The following RFX4 variants were observed in gnomAD, a reference collection of about 807,000 sequenced individuals.
RFX4 encodes the protein regulatory factor X4, also known as transcription factor RFX4.
In RFX4, 10 loss-of-function variants were observed where a neutral mutation model predicts 95.0. That is an observed-to-expected ratio of 0.11 (90% CI 0.06 to 0.18). The LOEUF is 0.18. Ranked by LOEUF, RFX4 falls within the 10% of genes least tolerant of loss-of-function variation. RFX4 has a pLI of 1.00. For synonymous variants in RFX4, 321 were observed against 340.7 expected (o/e 0.94, Z 0.64); for missense variants, 640 against 922.0 (o/e 0.69, Z 3.96).
chr12:106,608,784 T>A lies in RFX4; in HGVS notation c.44-13T>A, dbSNP rs566790758. 2 of 1,554,476 alleles carry A rather than the reference T, an allele frequency of 1.3e-6. No individual in the cohort carries two copies. Among genetic ancestry groups the A allele is most frequent in the African/African-American group, 1.4e-5 (1 of 71,236 alleles). On this transcript the variant is annotated splice_polypyrimidine_tract_variant and intron_variant, in intron 1 of 17. Transcript: ENST00000392842. Reference sequence around the variant, plus strand: ...TTTTCTTTTCTTTCTTTCTTTCTTTTTTTTTTTTTTAGAGAGCTGGATTGA... The same window carrying A: ...TTTTCTTTTCTTTCTTTCTTTCTTTATTTTTTTTTTAGAGAGCTGGATTGA...
chr12:106,708,265 T>C (rs946884125), intron 8 of RFX4, among the ~76,000 whole-genome samples: 6 of 151,924 alleles, frequency 3.9e-5, no homozygotes, highest in Non-Finnish European at 7.4e-5. Flanking sequence ...TCATGGATTC[T>C]ATCAGGAAGG....
At chr12:106,757,654 T>C (rs1305153371) in intron 17 of RFX4, among the ~76,000 whole-genome samples, 1 of 152,164 alleles carries the variant, frequency 6.6e-6, no homozygotes, top group African/African-American at 2.4e-5. Flanking sequence ...GTGAGCCCTC[T>C]GGCAGTACTT....
chr12:106,689,735 T>C (rs1197030087), intron 7 of RFX4, among the ~76,000 whole-genome samples: 1 of 152,190 alleles, frequency 6.6e-6, no homozygotes, highest in African/African-American at 2.4e-5. Flanking sequence ...AAAGCTTTAT[T>C]CTATTTTGTA....
At chr12:106,734,301 T>A (rs544506319) in intron 15 of RFX4, among the ~76,000 whole-genome samples, 1 of 152,214 alleles carries the variant, frequency 6.6e-6, no homozygotes, top group East Asian at 1.9e-4. Flanking sequence ...ACTGTACACT[T>A]GAAAATGGTT....
In RFX4 at chr12:106,583,309, C is replaced by A. The variant is rs759773279; in HGVS notation, c.-12C>A. 6.3e-7 allele frequency: 1 copy of A among 1,585,844 alleles called. No individual in the cohort carries two copies. Among genetic ancestry groups the A allele is most frequent in the African/African-American group, 1.4e-5 (1 of 72,810 alleles). Reference sequence around the variant, plus strand: ...ACTTTTGGGGGGCGCCTGTGCTGTCCATGGGAAGAGCATGCATTGTGGGTT... The same window carrying A: ...ACTTTTGGGGGGCGCCTGTGCTGTCAATGGGAAGAGCATGCATTGTGGGTT... On this transcript the variant is annotated 5_prime_UTR_variant, in exon 1 of 18. Coordinates refer to ENST00000392842, the MANE Select transcript of RFX4 (RefSeq NM_213594.3).
chr12:106,655,804 T>C (rs1378774447), intron 4 of RFX4, among the ~76,000 whole-genome samples: 1 of 152,216 alleles, frequency 6.6e-6, no homozygotes, highest in Non-Finnish European at 1.5e-5. Flanking sequence ...CAGTGGATGA[T>C]GGAAGGTACT....
chr12:106,708,604 G>A (rs538715095), intron 8 of RFX4, among the ~76,000 whole-genome samples: 117 of 152,266 alleles, frequency 7.7e-4, no homozygotes, highest in African/African-American at 2.7e-3. Context: ...TGGTCAATGG[G>A]GAGATGTCCC....
At chr12:106,591,640 A>T (rs2039548014) in intron 1 of RFX4, among the ~76,000 whole-genome samples, 1 of 152,186 alleles carries the variant, frequency 6.6e-6, no homozygotes. Flanking sequence ...AATCATTCAT[A>T]CCTTTACTAC....
Position 106,645,041 on chromosome 12 carries a change from C to T in RFX4, c.191+5649C>T, listed in dbSNP as rs186498736. ...CCTTCCTTGCCACAAACCCCCTCCC[C>T]CTCCCCCTAGAACAAATAACACCGC... On this transcript the variant is annotated intron_variant, in intron 3 of 17. Transcript: ENST00000392842. Among the ~76,000 whole-genome samples, 63 of 152,200 alleles carry T rather than the reference C, an allele frequency of 4.1e-4. 3 individuals carry two copies. In the East Asian group the frequency reaches 0.011, roughly 26 times the overall value.
At position 106,597,288 on chromosome 12, in the gene RFX4, A is replaced by T. The variant is rs555258387; in HGVS notation, c.44-11509A>T. ...AAGGAAATTGAGGCCCATGAGGTTA[A>T]GTAATTTGCCCAGGGTTGCAGAGCT... is the stretch of plus-strand genomic sequence containing the variant. On this transcript the variant is annotated intron_variant, in intron 1 of 17. Transcript: ENST00000392842. 2.6e-5 allele frequency among the ~76,000 whole-genome samples: 4 copies of T among 152,250 alleles called. No homozygotes were observed. The South Asian group carries it at 8.3e-4, about 32-fold the overall frequency.
In RFX4 at chr12:106,616,860, A is replaced by G. The variant is rs558804908; in HGVS notation, c.130+7977A>G. Reference sequence around the variant, plus strand: ...ACTTTAACCTCTGCCTGCCAGACTCAAGCAATTCTCCTGCCTCAGCCTCCT... The same window carrying G: ...ACTTTAACCTCTGCCTGCCAGACTCGAGCAATTCTCCTGCCTCAGCCTCCT... On this transcript the variant is annotated intron_variant, in intron 2 of 17. Transcript: ENST00000392842. 3.4e-4 allele frequency among the ~76,000 whole-genome samples: 51 copies of G among 152,164 alleles called. No individual in the cohort carries two copies. In the South Asian group the frequency reaches 7.3e-3, roughly 22 times the overall value.
chr12:106,714,068 CAAAAAAAA>C (rs58283896), intron 10 of RFX4, among the ~76,000 whole-genome samples: 1 of 30,522 alleles, frequency 3.3e-5, no homozygotes, highest in Non-Finnish European at 5.9e-5. Context: ...AACTCCATCT[CAAAAAAAA>C]AAAAAAAAAA....
At chr12:106,618,498 A>G (rs948473561) in intron 2 of RFX4, among the ~76,000 whole-genome samples, 4 of 151,938 alleles carry the variant, frequency 2.6e-5, no homozygotes, top group African/African-American at 9.7e-5. Flanking sequence ...TTATTGTTAA[A>G]TATTTCTACC....
intron 8 of RFX4, among the ~76,000 whole-genome samples, chr12:106,699,690 G>C (rs1470299562): frequency 6.6e-6 from 1 of 151,876 alleles, no homozygotes; most frequent in Non-Finnish European, 1.5e-5. Context: ...TTGTCTGTTT[G>C]TAATATAGCT....
intron 4 of RFX4, among the ~76,000 whole-genome samples, chr12:106,666,834 C>G (rs1467308859): frequency 2.0e-5 from 3 of 152,160 alleles, no homozygotes; most frequent in Non-Finnish European, 2.9e-5. Flanking sequence ...CAATTAGAAC[C>G]CTTAGCAAAT....
intron 2 of RFX4, among the ~76,000 whole-genome samples, chr12:106,618,835 T>G (rs560732841): frequency 1.4e-3 from 210 of 152,304 alleles, no homozygotes; most frequent in Admixed American, 2.4e-3. Flanking sequence ...TTTAGCTTTT[T>G]GGGAAGGGAT....
At chr12:106,675,377 G>A (rs1271951065) in intron 4 of RFX4, among the ~76,000 whole-genome samples, 1 of 152,166 alleles carries the variant, frequency 6.6e-6, no homozygotes, top group East Asian at 1.9e-4. Flanking sequence ...GTTTCAGTGA[G>A]CTGAGATGGT....
chr12:106,658,537 G>A (rs1419522728), intron 4 of RFX4, among the ~76,000 whole-genome samples: 2 of 152,176 alleles, frequency 1.3e-5, no homozygotes, highest in African/African-American at 2.4e-5. Flanking sequence ...TTGTGGCTCA[G>A]AATTTGCTCT....
intron 16 of RFX4, among the ~76,000 whole-genome samples, chr12:106,750,216 C>G (rs1354784510): frequency 1.3e-5 from 2 of 152,058 alleles, no homozygotes; most frequent in Non-Finnish European, 2.9e-5. Flanking sequence ...GTAGCTCATG[C>G]CTGTAATCCC....
Sources: gnomAD v4.1 joint callset for allele counts (sites outside exome capture counted in the v4.1 genomes callset) on GRCh38, gnomAD v4.1.1 for gene constraint, MANE v1.5 for transcripts, NCBI Gene and HGNC (gene_info 2026-07-23, HGNC 2026-07-21) for gene names.